MYLK: variants seen among roughly 807,000 people sequenced by gnomAD.
MYLK encodes myosin light chain kinase, smooth muscle.
In MYLK, 106 loss-of-function variants were observed where a neutral mutation model predicts 203.4. The ratio of observed to expected loss-of-function variants is 0.52; its 90% CI spans 0.45 to 0.61. The LOEUF is 0.61. Among genes scored for constraint, MYLK ranks in the 20% least tolerant of loss-of-function variants. The probability of loss-of-function intolerance (pLI) is 0.00; values close to 1 mark genes in which losing one functional copy is unlikely to be tolerated. For missense variants in MYLK, 2,072 were observed against 2,442.3 expected, an observed-to-expected ratio of 0.85 and a Z score of 3.20; for synonymous variants, 867 against 959.5, an observed-to-expected ratio of 0.90 and a Z score of 1.78.
rs1220297571 is a variant in MYLK at position 123,613,179 on chromosome 3, ATC to A, written c.*924_*925del. On this transcript the variant is annotated 3_prime_UTR_variant, in exon 34 of 34. Transcript: ENST00000360304. Reference sequence around the variant, plus strand: ...GTTCTCCAGCTCTTTATCAGTTGAAATCTGTTTCATCGTGGCCAATAGATAAT... The same window carrying A: ...GTTCTCCAGCTCTTTATCAGTTGAAATGTTTCATCGTGGCCAATAGATAAT... The A allele has an allele frequency of 2.6e-5, 4 of 152,232 alleles. No homozygotes were observed. The highest frequency in any genetic ancestry group is 2.0e-4 in the Admixed American group (3 of 15,288). 9.4% of individuals were successfully genotyped at this position (152,232 alleles called of 1,614,324 possible).
intron 24 of MYLK, among the ~76,000 whole-genome samples, chr3:123,650,585 T>G (rs562733614): frequency 6.6e-6 from 1 of 152,214 alleles, no homozygotes; most frequent in African/African-American, 2.4e-5. Flanking sequence ...AAAGTATATT[T>G]TATCACAGAA....
intron 3 of MYLK, among the ~76,000 whole-genome samples, chr3:123,795,987 T>G (rs2064971619): frequency 6.6e-6 from 1 of 152,224 alleles, no homozygotes; most frequent in African/African-American, 2.4e-5. Flanking sequence ...GCAAAGGGAC[T>G]AGGCTCATTT....
At chr3:123,688,228 C>T (rs567596415) in intron 19 of MYLK, among the ~76,000 whole-genome samples, 47 of 152,186 alleles carry the variant, frequency 3.1e-4, no homozygotes, top group African/African-American at 9.4e-4. Flanking sequence ...CCAACTCTGA[C>T]CTCCCCCTCA....
chr3:123,861,513 G>T (rs1020798788), intron 2 of MYLK, among the ~76,000 whole-genome samples: 1 of 152,250 alleles, frequency 6.6e-6, no homozygotes, highest in Admixed American at 6.5e-5. Flanking sequence ...GAAGGTACTG[G>T]AGCTGGAGTA....
Position 123,667,129 on chromosome 3 carries a change from C to T in MYLK, c.3703+8G>A, listed in dbSNP as rs1576483351. On this transcript the variant is annotated splice_region_variant and intron_variant, in intron 21 of 33. Transcript: ENST00000360304. ...TCTTTGACCCCAGATAGTGCCGTGGCCAATTACCTGCCTTCGGAGGTGTCT... is the reference window on the plus strand; with the variant it reads ...TCTTTGACCCCAGATAGTGCCGTGGTCAATTACCTGCCTTCGGAGGTGTCT... The T allele has an allele frequency of 1.2e-6, 2 of 1,613,876 alleles. No individual in the cohort carries two copies. Among genetic ancestry groups the T allele is most frequent in the Non-Finnish European group, 1.7e-6 (2 of 1,179,804 alleles).
rs565934584 is a variant in MYLK, at chr3:123,718,370, G to A, written c.1804+3758C>T. Among the ~76,000 whole-genome samples the A allele has an allele frequency of 9.5e-4, 145 of 152,296 alleles. 3 individuals are homozygous for A. Among genetic ancestry groups the A allele is most frequent in the South Asian group, 4.1e-4 (2 of 4,826 alleles). On this transcript the variant is annotated intron_variant, in intron 13 of 33. Transcript: ENST00000360304. ...GTATGACGTGATCCCTCCCTGCAGG[G>A]AGCTTACAGTGTGGAGAGGAAGATA...
intron 3 of MYLK, among the ~76,000 whole-genome samples, chr3:123,803,991 C>A (rs578015651): frequency 2.0e-5 from 3 of 152,184 alleles, no homozygotes; most frequent in Non-Finnish European, 4.4e-5. Flanking sequence ...ATAATAGTTG[C>A]CATGTATTTA....
chr3:123,701,017 G>A lies in MYLK; in HGVS notation c.2463-12C>T, dbSNP rs368116696. 3.8e-6 allele frequency: 6 copies of A among 1,594,626 alleles called. No homozygotes were observed. Among genetic ancestry groups the A allele is most frequent in the East Asian group, 2.3e-5 (1 of 44,354 alleles). On this transcript the variant is annotated splice_polypyrimidine_tract_variant and intron_variant, in intron 17 of 33. Transcript: ENST00000360304. ...CAGGCTCCCTCCCCCTGCAACCAGTGTAGGGAAAAAGGAAAGTAGCAGGAG... is the reference window on the plus strand; with the variant it reads ...CAGGCTCCCTCCCCCTGCAACCAGTATAGGGAAAAAGGAAAGTAGCAGGAG...
At chr3:123,790,327 C>G (rs1040627951) in intron 4 of MYLK, among the ~76,000 whole-genome samples, 1 of 152,182 alleles carries the variant, frequency 6.6e-6, no homozygotes, top group Non-Finnish European at 1.5e-5. Context: ...ACTGGGCTAC[C>G]CTTAGCTGCA....
At position 123,855,325 on chromosome 3, in the gene MYLK, C is replaced by T. The variant is rs79663572; in HGVS notation, c.-127+21234G>A. ...GTGCCGCAGCCAGGCTAAACTTCTC[C>T]GTACTATTTTCCAATCTGTTAACTC... is the stretch of plus-strand genomic sequence containing the variant. On this transcript the variant is annotated intron_variant, in intron 2 of 33. Coordinates refer to ENST00000360304, the MANE Select transcript of MYLK (RefSeq NM_053025.4). 6.6e-3 allele frequency among the ~76,000 whole-genome samples: 1,002 copies of T among 152,246 alleles called. 9 individuals carry two copies. Among genetic ancestry groups the T allele is most frequent in the African/African-American group, 0.02 (846 of 41,554 alleles).
intron 2 of MYLK, among the ~76,000 whole-genome samples, chr3:123,842,352 G>C (rs2066610852): frequency 6.6e-6 from 1 of 152,120 alleles, no homozygotes; most frequent in South Asian, 2.1e-4. Context: ...ATCAGTTTTA[G>C]AAATGGGGGT....
chr3:123,708,169 T>C (rs969535580), intron 15 of MYLK, among the ~76,000 whole-genome samples, 166 bp from the exon 16 acceptor site: 1 of 152,184 alleles, frequency 6.6e-6, no homozygotes, highest in Non-Finnish European at 1.5e-5. Context: ...CCCTTCTCAT[T>C]GCACATCCAT....
At chr3:123,847,655 T>G (rs1041136133) in intron 2 of MYLK, among the ~76,000 whole-genome samples, 6 of 152,152 alleles carry the variant, frequency 3.9e-5, no homozygotes, top group Non-Finnish European at 8.8e-5. Flanking sequence ...ATGTTTTTTC[T>G]GTATGTAATA....
chr3:123,734,567 C>T (rs892216548), intron 9 of MYLK: 2 of 213,714 alleles, frequency 9.4e-6, no homozygotes, highest in African/African-American at 2.3e-5. Flanking sequence ...CGACCATAGT[C>T]GATCTTTTAA....
intron 2 of MYLK, among the ~76,000 whole-genome samples, chr3:123,866,783 G>C (rs2032360273): frequency 6.6e-6 from 1 of 152,136 alleles, no homozygotes; most frequent in Non-Finnish European, 1.5e-5. Context: ...GAGCTTGGGT[G>C]TCTCTAAAAT....
chr3:123,667,758 T>C (rs111851992), intron 20 of MYLK, among the ~76,000 whole-genome samples: 15 of 152,250 alleles, frequency 9.9e-5, no homozygotes, highest in African/African-American at 2.6e-4. Context: ...AAAAACTCTC[T>C]AAAATGCTCG....
chr3:123,879,370 G>A (rs2033369852), intron 1 of MYLK, among the ~76,000 whole-genome samples: 1 of 152,078 alleles, frequency 6.6e-6, no homozygotes, highest in African/African-American at 2.4e-5. Context: ...GCCCAGCAAG[G>A]AAGGAGCTAA....
At chr3:123,739,125 C>T in intron 6 of MYLK, 63 bp from the exon 7 acceptor site, 2 of 1,570,062 alleles carry the variant, frequency 1.3e-6, no homozygotes, top group Non-Finnish European at 8.7e-7. Flanking sequence ...ATCCTCTCTC[C>T]ACCTCACTCA....
At chr3:123,689,599 C>T (rs2060585516) in intron 19 of MYLK, 1 of 152,274 alleles carries the variant, frequency 6.6e-6, no homozygotes, top group South Asian at 2.1e-4. Context: ...CCTTGGTGAG[C>T]CTCAGTTTGC....
Sources: gnomAD v4.1 joint callset for allele counts (sites outside exome capture counted in the v4.1 genomes callset) on GRCh38, gnomAD v4.1.1 for gene constraint, MANE v1.5 for transcripts, NCBI Gene and HGNC (gene_info 2026-07-23, HGNC 2026-07-21) for gene names.